Variants in KCNK13 observed in about 807,000 individuals in gnomAD.
KCNK13 encodes the protein potassium channel subfamily K member 13.
In KCNK13, 12 loss-of-function variants were observed where a neutral mutation model predicts 23.4. The ratio of observed to expected loss-of-function variants is 0.51; its 90% CI spans 0.33 to 0.83. KCNK13 has a LOEUF of 0.83. Among genes scored for constraint, KCNK13 ranks in the 40% least tolerant of loss-of-function variants. The pLI, the probability that KCNK13 is intolerant of heterozygous loss-of-function variation, is 0.02. For synonymous variants in KCNK13, 231 were observed against 229.5 expected, an observed-to-expected ratio of 1.01 and a Z score of -0.06; for missense variants, 463 against 556.3, an observed-to-expected ratio of 0.83 and a Z score of 1.69.
chr14:90,092,476 G>T (rs988770215), intron 1 of KCNK13, among the ~76,000 whole-genome samples: 1 of 152,154 alleles, frequency 6.6e-6, no homozygotes, highest in Non-Finnish European at 1.5e-5. Flanking sequence ...ACAACACTGA[G>T]GTTTGCAGGC....
intron 1 of KCNK13, among the ~76,000 whole-genome samples, chr14:90,080,898 G>C (rs1009578414): frequency 2.6e-5 from 4 of 152,190 alleles, no homozygotes; most frequent in Non-Finnish European, 5.9e-5. Flanking sequence ...CTGTTGTGGG[G>C]CAGTCCTGTG....
Position 90,077,009 on chromosome 14 carries a change from C to T in KCNK13, c.334+14470C>T, listed in dbSNP as rs185512614. 6.4e-3 allele frequency among the ~76,000 whole-genome samples: 972 copies of T among 150,742 alleles called. 13 individuals are homozygous for T. Among genetic ancestry groups the T allele is most frequent in the African/African-American group, 0.022 (916 of 41,102 alleles). On this transcript the variant is annotated intron_variant, in intron 1 of 1. Transcript: ENST00000282146. ...TAATTTTTTGTATTTTTAGTAGAGA[C>T]GGGGTTTCACCATGTTAGCCAGGAT... is the stretch of plus-strand genomic sequence containing the variant.
At chr14:90,090,831 C>G (rs964223006) in intron 1 of KCNK13, among the ~76,000 whole-genome samples, 6 of 152,352 alleles carry the variant, frequency 3.9e-5, no homozygotes, top group African/African-American at 1.4e-4. Flanking sequence ...GCTCTCTTTG[C>G]CTGCCGCCAT....
chr14:90,151,111 T>C (rs74628212), intron 1 of KCNK13, among the ~76,000 whole-genome samples: 9,893 of 152,290 alleles, frequency 0.065, 418 homozygotes, highest in South Asian at 0.21. Context: ...CAAATGCCTG[T>C]ATACTTCCTG....
At chr14:90,085,380 C>T (rs1460782744) in intron 1 of KCNK13, among the ~76,000 whole-genome samples, 2 of 151,338 alleles carry the variant, frequency 1.3e-5, no homozygotes, top group Admixed American at 6.6e-5. Context: ...AGAAATAGGC[C>T]GGGCATAGTG....
chr14:90,141,798 G>GGGT (rs1555352012), intron 1 of KCNK13, among the ~76,000 whole-genome samples: 5 of 144,374 alleles, frequency 3.5e-5, no homozygotes, highest in African/African-American at 1.0e-4. Flanking sequence ...GTTTTTTGGG[G>GGGT]GGGGGGACGG....
intron 1 of KCNK13, among the ~76,000 whole-genome samples, chr14:90,180,004 C>T (rs961299893): frequency 1.3e-5 from 2 of 152,170 alleles, no homozygotes; most frequent in African/African-American, 2.4e-5. Flanking sequence ...ACTATGGACA[C>T]TTGGCTAATT....
chr14:90,182,563 C>T (rs1272364136), intron 1 of KCNK13, among the ~76,000 whole-genome samples: 1 of 152,072 alleles, frequency 6.6e-6, no homozygotes, highest in Non-Finnish European at 1.5e-5. Flanking sequence ...GGCTTATGCC[C>T]GTAATCCCAG....
chr14:90,170,654 G>C (rs1458822401), intron 1 of KCNK13, among the ~76,000 whole-genome samples: 2 of 152,180 alleles, frequency 1.3e-5, no homozygotes, highest in African/African-American at 2.4e-5. Flanking sequence ...CAATTTTCCT[G>C]TAAGAGTAGG....
At chr14:90,143,212 C>CT (rs60670249) in intron 1 of KCNK13, among the ~76,000 whole-genome samples, 8,760 of 112,492 alleles carry the variant, frequency 0.078, 413 homozygotes, top group African/African-American at 0.096. Context: ...TCTTTCTTTT[C>CT]TTTTTTTTTT....
At chr14:90,064,411 G>A (rs1427867753) in intron 1 of KCNK13, among the ~76,000 whole-genome samples, 1 of 152,160 alleles carries the variant, frequency 6.6e-6, no homozygotes, top group African/African-American at 2.4e-5. Context: ...GGAACTGAGA[G>A]TGGCATGGGT....
intron 1 of KCNK13, among the ~76,000 whole-genome samples, chr14:90,079,979 T>C (rs934153960): frequency 3.5e-4 from 53 of 152,150 alleles, no homozygotes; most frequent in African/African-American, 1.2e-3. Flanking sequence ...TCTTTGCAGA[T>C]GAGGGAGAGA....
intron 1 of KCNK13, among the ~76,000 whole-genome samples, chr14:90,158,725 T>C (rs1466427845): frequency 2.0e-5 from 3 of 152,220 alleles, no homozygotes; most frequent in African/African-American, 7.2e-5. Context: ...TCCAAATATT[T>C]GACAAACATT....
At chr14:90,117,675 CAGAA>C (rs1889692687) in intron 1 of KCNK13, among the ~76,000 whole-genome samples, 1 of 152,158 alleles carries the variant, frequency 6.6e-6, no homozygotes, top group Non-Finnish European at 1.5e-5. Flanking sequence ...ACTGAAACCT[CAGAA>C]AGCAAAACCT....
intron 1 of KCNK13, among the ~76,000 whole-genome samples, chr14:90,092,096 T>A (rs1457027298): frequency 1.3e-5 from 2 of 152,010 alleles, no homozygotes; most frequent in Non-Finnish European, 2.9e-5. Context: ...TAATTTTTTT[T>A]ATTTTTTAGT....
chr14:90,147,144 T>C (rs958518666), intron 1 of KCNK13, among the ~76,000 whole-genome samples: 1 of 152,250 alleles, frequency 6.6e-6, no homozygotes, highest in Non-Finnish European at 1.5e-5. Context: ...TCTTATTTCA[T>C]ATGTTTGTAC....
intron 1 of KCNK13, among the ~76,000 whole-genome samples, chr14:90,127,205 T>C (rs1340999689): frequency 6.6e-6 from 1 of 152,190 alleles, no homozygotes; most frequent in Non-Finnish European, 1.5e-5. Context: ...ACAACGTTTC[T>C]ATGAATCTGA....
At chr14:90,078,089 T>C (rs1404214510) in intron 1 of KCNK13, among the ~76,000 whole-genome samples, 1 of 152,176 alleles carries the variant, frequency 6.6e-6, no homozygotes, top group Non-Finnish European at 1.5e-5. Flanking sequence ...TTAGTTTCTT[T>C]AACAGACTGT....
chr14:90,179,817 A>G (rs1890465414), intron 1 of KCNK13, among the ~76,000 whole-genome samples: 1 of 152,218 alleles, frequency 6.6e-6, no homozygotes, highest in Non-Finnish European at 1.5e-5. Context: ...AAACTGATGT[A>G]ATTATATCAT....
Sources: gnomAD v4.1 joint callset for allele counts (sites outside exome capture counted in the v4.1 genomes callset) on GRCh38, gnomAD v4.1.1 for gene constraint, MANE v1.5 for transcripts, NCBI Gene and HGNC (gene_info 2026-07-23, HGNC 2026-07-21) for gene names.